CACNA1B: variants seen among roughly 807,000 people sequenced by gnomAD.
CACNA1B encodes voltage-dependent N-type calcium channel subunit alpha-1B.
CACNA1B carries 70 observed loss-of-function variants against 247.2 expected under a neutral mutation model. The observed-to-expected ratio is 0.28, with a 90% CI of 0.23 to 0.35. The LOEUF (loss-of-function observed/expected upper bound fraction) is 0.35. Ranked by LOEUF, CACNA1B falls within the 10% of genes least tolerant of loss-of-function variation. The pLI is 1.00. For synonymous variants in CACNA1B, 1,231 were observed against 1,294.4 expected (o/e 0.95, Z 1.05); for missense variants, 2,367 against 3,197.4 (o/e 0.74, Z 6.26).
At chr9:138,101,611 G>A (rs1961255642) in intron 37 of CACNA1B, among the ~76,000 whole-genome samples, 1 of 152,260 alleles carries the variant, frequency 6.6e-6, no homozygotes, top group Non-Finnish European at 1.5e-5. Flanking sequence ...TGGGTTGGAA[G>A]AGCCCAGTAA....
intron 6 of CACNA1B, among the ~76,000 whole-genome samples, chr9:137,949,476 C>CGTGTGTGTCTGTGGTGT (rs1215014230): frequency 7.2e-6 from 1 of 138,208 alleles, no homozygotes; most frequent in Non-Finnish European, 1.6e-5. Context: ...GTGGTGTATG[C>CGTGTGTGTCTGTGGTGT]ATGTGTGTGT....
rs1957376185 is a variant in CACNA1B, at chr9:137,913,154, T to C, written c.531-26T>C. 6.3e-7 allele frequency: 1 copy of C among 1,598,412 alleles called. No homozygotes were observed. Among genetic ancestry groups the C allele is most frequent in the African/African-American group, 1.3e-5 (1 of 74,492 alleles). Reference sequence around the variant, plus strand: ...CAGGCTCAATGTGGAAACCTTTACTTCCCTTCTTCTCCTTGTTTCTGCCAG... The same window carrying C: ...CAGGCTCAATGTGGAAACCTTTACTCCCCTTCTTCTCCTTGTTTCTGCCAG... On this transcript the variant is annotated intron_variant, in intron 3 of 46. Coordinates refer to ENST00000371372, the MANE Select transcript of CACNA1B (RefSeq NM_000718.4). The surrounding 1 kb of genome is among the most constrained non-coding windows in gnomAD (Gnocchi z 5.2).
At chr9:138,091,226 C>T (rs779408144) in intron 36 of CACNA1B, among the ~76,000 whole-genome samples, 17 of 152,210 alleles carry the variant, frequency 1.1e-4, no homozygotes, top group South Asian at 6.2e-4. Flanking sequence ...GAAATTCTGC[C>T]GCTTGTGGCA....
At chr9:138,022,274 G>A (rs1958854429) in intron 18 of CACNA1B, among the ~76,000 whole-genome samples, 1 of 152,196 alleles carries the variant, frequency 6.6e-6, no homozygotes, top group Admixed American at 6.5e-5. Context: ...CACGGGAGGT[G>A]GCATTTCCAG....
chr9:137,999,336 T>C (rs144174038), intron 15 of CACNA1B, among the ~76,000 whole-genome samples: 2,492 of 152,258 alleles, frequency 0.016, 57 homozygotes, highest in African/African-American at 0.052. Context: ...TTAATATCTT[T>C]CCCATATTTG....
chr9:137,917,046 C>T lies in CACNA1B; in HGVS notation c.776-195C>T, dbSNP rs770576402. On this transcript the variant is annotated intron_variant, in intron 5 of 46. Coordinates refer to ENST00000371372, the MANE Select transcript of CACNA1B (RefSeq NM_000718.4). This position sits in a 1 kb window ranked among gnomAD's most constrained non-coding sequence, Gnocchi z 5.5. ...GCCGTTACTCCCTGAGTTGGTCACT[C>T]GTGAGCTCGGGGTCAGCAAGAGGCG... 9.2e-5 allele frequency among the ~76,000 whole-genome samples: 14 copies of T among 152,160 alleles called. No individual in the cohort carries two copies. Among genetic ancestry groups the T allele is most frequent in the African/African-American group, 1.9e-4 (8 of 41,530 alleles).
At chr9:137,940,627 C>T (rs1469613921) in intron 6 of CACNA1B, among the ~76,000 whole-genome samples, 1 of 152,146 alleles carries the variant, frequency 6.6e-6, no homozygotes, top group African/African-American at 2.4e-5. Context: ...AAGAAAACTA[C>T]AAACCAATAT....
intron 39 of CACNA1B, among the ~76,000 whole-genome samples, chr9:138,108,545 G>A (rs1485536325): frequency 2.0e-5 from 3 of 152,208 alleles, no homozygotes; most frequent in African/African-American, 7.2e-5. Context: ...GCTTTGCTCT[G>A]ATACCAAAAC....
At chr9:137,893,780 C>A (rs1957138214) in intron 3 of CACNA1B, among the ~76,000 whole-genome samples, 1 of 152,148 alleles carries the variant, frequency 6.6e-6, no homozygotes, top group Non-Finnish European at 1.5e-5. Flanking sequence ...CCCAGTTCCC[C>A]CAAAGGAAAC....
At chr9:137,883,598 C>T (rs1419303754) in intron 3 of CACNA1B, among the ~76,000 whole-genome samples, 1 of 150,304 alleles carries the variant, frequency 6.7e-6, no homozygotes, top group African/African-American at 2.4e-5. Flanking sequence ...TGTGAGGTCC[C>T]CTTTCCTGCT....
chr9:138,052,450 T>C lies in CACNA1B; in HGVS notation c.3807+262T>C, dbSNP rs1299580417. On this transcript the variant is annotated intron_variant, in intron 25 of 46. Transcript: ENST00000371372. The surrounding 1 kb of genome is among the most constrained non-coding windows in gnomAD (Gnocchi z 5.1). ...TTTTTCTTCAGCAGCTGCAGTGCAG[T>C]GCGGGAAAGGCTGCCGGGACAGGTG... is the stretch of plus-strand genomic sequence containing the variant. 6.6e-6 allele frequency among the ~76,000 whole-genome samples: 1 copy of C among 152,000 alleles called. No homozygotes were observed. Among genetic ancestry groups the C allele is most frequent in the Non-Finnish European group, 1.5e-5 (1 of 68,000 alleles).
At chr9:137,967,307 A>G (rs79101368) in intron 10 of CACNA1B, among the ~76,000 whole-genome samples, 1 of 152,130 alleles carries the variant, frequency 6.6e-6, no homozygotes, top group South Asian at 2.1e-4. Context: ...ATACCCAGTA[A>G]GTCACAGCCT....
At chr9:138,043,430 G>C (rs1267017646) in intron 20 of CACNA1B, among the ~76,000 whole-genome samples, 2 of 152,186 alleles carry the variant, frequency 1.3e-5, no homozygotes, top group Non-Finnish European at 2.9e-5. Context: ...TCCCAGCAGA[G>C]GCAGTGGGAA....
rs998281534 is a variant in CACNA1B, at chr9:138,058,320, A to G, written c.4308+70A>G. 2 of 1,315,430 alleles carry G rather than the reference A, an allele frequency of 1.5e-6. No individual in the cohort carries two copies. The highest frequency in any genetic ancestry group is 1.2e-5 in the South Asian group (1 of 83,478). 81.5% of individuals were successfully genotyped at this position (1,315,430 alleles called of 1,614,324 possible). A position where few individuals can be genotyped will look rare whatever the true frequency, so the allele number is the denominator to read the frequency against. The stretch of plus-strand genomic sequence containing the variant: ...GCGCCATCAGGCTTCCCTCCTGCAC[A>G]CAAATCACTCACAGCTGGGTCAGCT... On this transcript the variant is annotated intron_variant, in intron 28 of 46. Transcript: ENST00000371372. This position sits in a 1 kb window ranked among gnomAD's most constrained non-coding sequence, Gnocchi z 4.7.
rs552584570 is a variant in CACNA1B, at chr9:137,954,569, C to T, written c.1071-1129C>T. ...CAGTGATGTCCTTGCCCTTCCCCTG[C>T]CCCCCAGGCCCTCTCATTCTCAGGG... is the stretch of plus-strand genomic sequence containing the variant. On this transcript the variant is annotated intron_variant, in intron 7 of 46. Coordinates refer to ENST00000371372, the MANE Select transcript of CACNA1B (RefSeq NM_000718.4). The surrounding 1 kb of genome is among the most constrained non-coding windows in gnomAD (Gnocchi z 4.1). 1.6e-4 allele frequency among the ~76,000 whole-genome samples: 24 copies of T among 152,188 alleles called. No homozygotes were observed. The highest frequency in any genetic ancestry group is 5.2e-4 in the Admixed American group (8 of 15,302).
At chr9:137,885,321 G>A (rs550985490) in intron 3 of CACNA1B, among the ~76,000 whole-genome samples, 1 of 152,194 alleles carries the variant, frequency 6.6e-6, no homozygotes, top group African/African-American at 2.4e-5. Context: ...ACCCCTGTGT[G>A]CGTATCTGTG....
chr9:138,024,923 C>T (rs199516119), intron 19 of CACNA1B, 32 bp from the exon 20 acceptor site: 13 of 1,477,066 alleles, frequency 8.8e-6, no homozygotes, highest in South Asian at 1.2e-5. Flanking sequence ...TGAGCCACTG[C>T]GCCGAGGCCT....
Position 137,914,758 on chromosome 9 carries a change from GAGTTCTACATGGGCA to G in CACNA1B, c.733_747del (p.Tyr245_Phe249del). On this transcript the variant is annotated inframe_deletion, in exon 5 of 47. Coordinates refer to ENST00000371372, the MANE Select transcript of CACNA1B (RefSeq NM_000718.4). The surrounding 1 kb of genome is among the most constrained non-coding windows in gnomAD (Gnocchi z 4.3). ...CCTCATGTTTGCCATCATTGGCCTG[GAGTTCTACATGGGCA>G]AGTTCCACAAGGCCTGTTTCCCCAA... 1 of 1,613,976 alleles carries G rather than the reference GAGTTCTACATGGGCA, an allele frequency of 6.2e-7. No individual in the cohort carries two copies. Among genetic ancestry groups the G allele is most frequent in the Non-Finnish European group, 8.5e-7 (1 of 1,179,872 alleles).
At position 137,888,732 on chromosome 9, in the gene CACNA1B, G is replaced by A. The variant is rs1267682728; in HGVS notation, c.530+5849G>A. 1.2e-4 allele frequency among the ~76,000 whole-genome samples: 18 copies of A among 152,336 alleles called. No individual in the cohort carries two copies. The highest frequency in any genetic ancestry group is 3.8e-4 in the African/African-American group (16 of 41,584). On this transcript the variant is annotated intron_variant, in intron 3 of 46. Transcript: ENST00000371372. This position sits in a 1 kb window ranked among gnomAD's most constrained non-coding sequence, Gnocchi z 4.7. ...GGGAGTCTGGTCAGCGGAGCTCAGG[G>A]GCCGAGGCACTGCTGACCCTGAGCT... is the stretch of plus-strand genomic sequence containing the variant.
Sources: allele counts gnomAD v4.1 joint callset (sites outside exome capture counted in the v4.1 genomes callset), GRCh38; gene constraint gnomAD v4.1.1; non-coding constraint Gnocchi (gnomAD v3.1); transcripts MANE v1.5; gene names NCBI Gene and HGNC (gene_info 2026-07-23, HGNC 2026-07-21).